The following ARSG variants were observed in gnomAD, a reference collection of about 807,000 sequenced individuals.
The protein encoded by ARSG is ASG.
ARSG carries 37 observed loss-of-function variants against 50.5 expected under a neutral mutation model. The observed-to-expected ratio is 0.73, with a 90% CI of 0.56 to 0.96. The LOEUF is 0.96. Among genes scored for constraint, ARSG ranks in the 50% least tolerant of loss-of-function variants. ARSG has a pLI of 0.00. For synonymous variants in ARSG, 225 were observed against 254.6 expected (o/e 0.88, Z 1.11); for missense variants, 629 against 675.3 (o/e 0.93, Z 0.76).
chr17:68,352,119 G>GGAGA (rs149581343), intron 5 of ARSG, among the ~76,000 whole-genome samples: 5,015 of 72,736 alleles, frequency 0.069, 507 homozygotes, highest in African/African-American at 0.14. Flanking sequence ...GAGAGACAGA[G>GGAGA]GAGAGAGAGA....
intron 2 of ARSG, 64 bp from the exon 3 acceptor site, chr17:68,343,540 G>A: frequency 1.4e-6 from 2 of 1,440,458 alleles, no homozygotes; most frequent in Non-Finnish European, 1.9e-6. Flanking sequence ...AGTGGGCACT[G>A]CCTTTTCTTT....
At chr17:68,374,430 C>G (rs2080040988) in intron 8 of ARSG, among the ~76,000 whole-genome samples, 1 of 152,150 alleles carries the variant, frequency 6.6e-6, no homozygotes, top group African/African-American at 2.4e-5. Context: ...AAGAATTTAC[C>G]TACTGATCTC....
rs191119516 is a variant in ARSG at position 68,373,938 on chromosome 17, A to G, written c.982+3414A>G. On this transcript the variant is annotated intron_variant, in intron 8 of 11. Coordinates refer to ENST00000621439, the MANE Select transcript of ARSG (RefSeq NM_001267727.2). ...TTTGGGAGGCCGAGGCGGGCGGATCATGAGGTCAGGAGATCGAGACCATCC... is the reference window on the plus strand; with the variant it reads ...TTTGGGAGGCCGAGGCGGGCGGATCGTGAGGTCAGGAGATCGAGACCATCC... Among the ~76,000 whole-genome samples the G allele has an allele frequency of 2.6e-3, 389 of 151,926 alleles. 1 individual carries two copies. Among genetic ancestry groups the G allele is most frequent in the African/African-American group, 8.1e-3 (336 of 41,456 alleles).
chr17:68,360,063 G>A (rs768440643), intron 6 of ARSG, among the ~76,000 whole-genome samples: 1 of 152,152 alleles, frequency 6.6e-6, no homozygotes, highest in African/African-American at 2.4e-5. Flanking sequence ...ATGGGGACTC[G>A]GGGCCGTTTA....
At chr17:68,298,616 AG>A (rs1404962942) in intron 1 of ARSG, among the ~76,000 whole-genome samples, 7 of 145,434 alleles carry the variant, frequency 4.8e-5, no homozygotes, top group African/African-American at 1.6e-4. Flanking sequence ...AAAAAAAAAA[AG>A]AGAAGAACAC....
intron 11 of ARSG, among the ~76,000 whole-genome samples, chr17:68,411,582 G>GA (rs925579522): frequency 5.3e-5 from 8 of 150,500 alleles, no homozygotes; most frequent in African/African-American, 2.0e-4. Context: ...GTGTGGTGCT[G>GA]AAAAAAATGT....
chr17:68,326,927 G>A (rs910280198), intron 2 of ARSG, among the ~76,000 whole-genome samples: 12 of 152,170 alleles, frequency 7.9e-5, no homozygotes, highest in African/African-American at 2.9e-4. Context: ...AAGAGTGGAT[G>A]CTCTACAGCA....
Position 68,376,038 on chromosome 17 carries a change from C to T in ARSG, c.982+5514C>T, listed in dbSNP as rs188407359. 2.2e-3 allele frequency among the ~76,000 whole-genome samples: 332 copies of T among 152,262 alleles called. 2 individuals are homozygous for T. The highest frequency in any genetic ancestry group is 2.6e-3 in the Admixed American group (40 of 15,290). On this transcript the variant is annotated intron_variant, in intron 8 of 11. Transcript: ENST00000621439. ...CACTTAGCACCTTCCCAATGTTGTG[C>T]AACGACCACATCTGTCTAGTTCCAA...
At chr17:68,282,357 T>C (rs1262307871) in intron 1 of ARSG, among the ~76,000 whole-genome samples, 13 of 150,306 alleles carry the variant, frequency 8.6e-5, no homozygotes, top group Admixed American at 2.0e-4. Flanking sequence ...TGTCGTGGGG[T>C]TGGGGGAAGG....
At chr17:68,436,505 G>C in the ARSG span, 66 of 1,606,090 alleles carry the variant, frequency 4.1e-5, no homozygotes, top group Middle Eastern at 8.2e-4. Context: ...CAGAACATGA[G>C]AAGCCTGGGG....
chr17:68,377,745 C>T (rs547881830), intron 8 of ARSG, among the ~76,000 whole-genome samples: 2 of 152,328 alleles, frequency 1.3e-5, no homozygotes, highest in South Asian at 2.1e-4. Flanking sequence ...CAACTTAAAT[C>T]GCATACAGAT....
intron 2 of ARSG, among the ~76,000 whole-genome samples, chr17:68,338,646 A>T (rs1243170369): frequency 2.0e-5 from 3 of 152,076 alleles, no homozygotes; most frequent in Non-Finnish European, 4.4e-5. Flanking sequence ...CAAGGTCTTT[A>T]ACCTCCCCCT....
At chr17:68,274,124 T>C in intron 1 of ARSG, 1 of 1,584,302 alleles carries the variant, frequency 6.3e-7, no homozygotes, top group Non-Finnish European at 8.6e-7. Context: ...CAGGGTTAGC[T>C]GCCATAAGAC....
chr17:68,319,655 A>G (rs574396811), intron 2 of ARSG, among the ~76,000 whole-genome samples: 1 of 152,356 alleles, frequency 6.6e-6, no homozygotes, highest in East Asian at 1.9e-4. Context: ...AAATACAGTC[A>G]TTCAACAGTG....
rs1209476458 is a variant in ARSG, at chr17:68,381,186, C to T, written c.983-3878C>T. On this transcript the variant is annotated intron_variant, in intron 8 of 11. Coordinates refer to ENST00000621439, the MANE Select transcript of ARSG (RefSeq NM_001267727.2). The surrounding 1 kb of genome is among the most constrained non-coding windows in gnomAD (Gnocchi z 4.1). ...CAGCCAAGAAAGACCACTGTTCCTC[C>T]GCGTGGGCAGTGGTGAGTCTTCCCC... 1.3e-5 allele frequency among the ~76,000 whole-genome samples: 2 copies of T among 152,124 alleles called. No individual in the cohort carries two copies. The highest frequency in any genetic ancestry group is 2.9e-5 in the Non-Finnish European group (2 of 68,028).
intron 10 of ARSG, among the ~76,000 whole-genome samples, chr17:68,396,266 C>T (rs2081245195): frequency 6.6e-6 from 1 of 152,180 alleles, no homozygotes; most frequent in African/African-American, 2.4e-5. Flanking sequence ...ATCAGCCCGC[C>T]TTGGTCTCCC....
At chr17:68,438,047 G>A in the ARSG span, among the ~76,000 whole-genome samples, 1 of 150,658 alleles carries the variant, frequency 6.6e-6, no homozygotes, top group Non-Finnish European at 1.5e-5. Flanking sequence ...CTTTAGGTCA[G>A]GCTGAAACAT....
intron 1 of ARSG, among the ~76,000 whole-genome samples, chr17:68,263,004 C>T (rs2075097468): frequency 6.6e-6 from 1 of 152,132 alleles, no homozygotes; most frequent in South Asian, 2.1e-4. Context: ...GGGAAGTTAG[C>T]GTGCTTGTTC....
At chr17:68,308,542 T>C (rs1057236277) in intron 2 of ARSG, among the ~76,000 whole-genome samples, 1 of 152,168 alleles carries the variant, frequency 6.6e-6, no homozygotes, top group Non-Finnish European at 1.5e-5. Flanking sequence ...AAAAGCAGTG[T>C]GGACCCAAAG....
Sources: allele counts gnomAD v4.1 joint callset (sites outside exome capture counted in the v4.1 genomes callset), GRCh38; gene constraint gnomAD v4.1.1; non-coding constraint Gnocchi (gnomAD v3.1); transcripts MANE v1.5; gene names NCBI Gene and HGNC (gene_info 2026-07-23, HGNC 2026-07-21).